Variants in CEP128 observed in about 807,000 individuals in gnomAD.
CEP128 encodes the protein centrosomal protein 128.
In CEP128, 132 loss-of-function variants were observed where a neutral mutation model predicts 156.7. The observed-to-expected ratio is 0.84, with a 90% CI of 0.73 to 0.97. CEP128 has a LOEUF of 0.97. CEP128 is among the 50% of genes least tolerant of loss of function. The probability of loss-of-function intolerance (pLI) is 0.00; values close to 1 mark genes in which losing one functional copy is unlikely to be tolerated. For synonymous variants in CEP128, 469 were observed against 448.9 expected (o/e 1.04, Z -0.57); for missense variants, 1,252 against 1,281.9 (o/e 0.98, Z 0.36).
At chr14:80,797,797 G>T (rs1024578468) in intron 13 of CEP128, among the ~76,000 whole-genome samples, 2 of 151,790 alleles carry the variant, frequency 1.3e-5, no homozygotes, top group East Asian at 1.9e-4. Flanking sequence ...ATGCTTTCAG[G>T]GTATTTATAG....
At chr14:80,931,419 A>G (rs1206052907) in intron 2 of CEP128, among the ~76,000 whole-genome samples, 3 of 152,224 alleles carry the variant, frequency 2.0e-5, no homozygotes, top group Non-Finnish European at 4.4e-5. Flanking sequence ...TATCAGCCAC[A>G]TTAAAGTACA....
At chr14:80,500,832 T>G (rs191966957) in intron 24 of CEP128, among the ~76,000 whole-genome samples, 11 of 152,378 alleles carry the variant, frequency 7.2e-5, no homozygotes, top group Admixed American at 3.3e-4. Context: ...TTTAGTTATA[T>G]GACTGTTTAC....
intron 19 of CEP128, among the ~76,000 whole-genome samples, chr14:80,646,187 G>T (rs1483292553): frequency 6.6e-6 from 1 of 152,082 alleles, no homozygotes; most frequent in African/African-American, 2.4e-5. Context: ...GAACCCTAAT[G>T]TAAACTATGA....
intron 14 of CEP128, among the ~76,000 whole-genome samples, chr14:80,787,161 T>C (rs1008469591): frequency 6.6e-6 from 1 of 152,182 alleles, no homozygotes; most frequent in Non-Finnish European, 1.5e-5. Flanking sequence ...AGCAAGGTAT[T>C]CAGCTTAAGG....
At chr14:80,619,367 G>GAC (rs34190837) in intron 19 of CEP128, among the ~76,000 whole-genome samples, 45,721 of 139,260 alleles carry the variant, frequency 0.33, 8,342 homozygotes, top group Non-Finnish European at 0.41. Context: ...AAGACACACA[G>GAC]ACACACACAC....
At chr14:80,763,891 C>T (rs1346238094) in intron 16 of CEP128, among the ~76,000 whole-genome samples, 3 of 152,120 alleles carry the variant, frequency 2.0e-5, no homozygotes, top group African/African-American at 7.2e-5. Flanking sequence ...GTACATAAGG[C>T]CTCCTGATGG....
chr14:80,670,037 G>C (rs1479039901), intron 19 of CEP128, among the ~76,000 whole-genome samples: 1 of 151,974 alleles, frequency 6.6e-6, no homozygotes, highest in Non-Finnish European at 1.5e-5. Context: ...GAGAGGAGGG[G>C]AGATGCCACA....
At chr14:80,639,013 C>A (rs955987600) in intron 19 of CEP128, among the ~76,000 whole-genome samples, 4 of 152,036 alleles carry the variant, frequency 2.6e-5, no homozygotes, top group Non-Finnish European at 5.9e-5. Flanking sequence ...AGCTCCCTGT[C>A]TAATATTTGC....
intron 13 of CEP128, among the ~76,000 whole-genome samples, chr14:80,826,733 A>G (rs1885502575): frequency 6.6e-6 from 1 of 152,216 alleles, no homozygotes; most frequent in Admixed American, 6.5e-5. Context: ...CACTTTCAAC[A>G]TTTAATCTAA....
At chr14:80,526,493 C>A (rs1406017364) in intron 23 of CEP128, among the ~76,000 whole-genome samples, 1 of 152,102 alleles carries the variant, frequency 6.6e-6, no homozygotes, top group Non-Finnish European at 1.5e-5. Flanking sequence ...AATATATTAT[C>A]TGACCTACTG....
intron 20 of CEP128, among the ~76,000 whole-genome samples, chr14:80,563,815 G>A (rs536552789): frequency 1.3e-5 from 2 of 152,168 alleles, no homozygotes; most frequent in African/African-American, 2.4e-5. Context: ...GATTACAGGC[G>A]TGAGTCACTG....
At chr14:80,883,300 T>C (rs1888640101) in intron 8 of CEP128, among the ~76,000 whole-genome samples, 1 of 151,828 alleles carries the variant, frequency 6.6e-6, no homozygotes, top group South Asian at 2.1e-4. Context: ...AGAAGTCAAA[T>C]TAATTATCTT....
intron 14 of CEP128, among the ~76,000 whole-genome samples, chr14:80,482,752 G>C (rs1887081869): frequency 6.6e-6 from 1 of 152,222 alleles, no homozygotes; most frequent in Non-Finnish European, 1.5e-5. Flanking sequence ...AGAAAGGGTT[G>C]TGAATTGCAA....
At chr14:80,525,773 AAGGG>A (rs1229067127) in intron 23 of CEP128, among the ~76,000 whole-genome samples, 1 of 152,196 alleles carries the variant, frequency 6.6e-6, no homozygotes, top group Non-Finnish European at 1.5e-5. Context: ...TTTTATTTGG[AAGGG>A]AGGAAGTATA....
At chr14:80,801,396 T>C (rs1420995284) in intron 13 of CEP128, among the ~76,000 whole-genome samples, 2 of 9,644 alleles carry the variant, frequency 2.1e-4, no homozygotes, top group Admixed American at 1.9e-3. Context: ...CCCTTACTAG[T>C]TTTTGACATA....
chr14:80,730,398 A>G (rs1898219711), intron 19 of CEP128, among the ~76,000 whole-genome samples: 1 of 152,182 alleles, frequency 6.6e-6, no homozygotes, highest in African/African-American at 2.4e-5. Context: ...GGGTCATTCT[A>G]TACTCAGAAT....
intron 2 of CEP128, among the ~76,000 whole-genome samples, chr14:80,930,383 T>C (rs1433764116): frequency 6.6e-6 from 1 of 152,160 alleles, no homozygotes; most frequent in Non-Finnish European, 1.5e-5. Flanking sequence ...TTTCCTGCAC[T>C]ATGCACTTGT....
chr14:80,763,255 T>G (rs1900059953), intron 16 of CEP128, among the ~76,000 whole-genome samples: 1 of 152,170 alleles, frequency 6.6e-6, no homozygotes, highest in Admixed American at 6.5e-5. Flanking sequence ...CTAGGTAGTA[T>G]TTGCATGGAG....
At chr14:80,743,367 T>C (rs1216964309) in intron 18 of CEP128, 100 bp from the exon 19 acceptor site, 4 of 1,034,452 alleles carry the variant, frequency 3.9e-6, no homozygotes, top group African/African-American at 3.2e-5. Context: ...TGAACAAATA[T>C]AGATAATTAC....
Sources: gnomAD v4.1 joint callset for allele counts (sites outside exome capture counted in the v4.1 genomes callset) on GRCh38, gnomAD v4.1.1 for gene constraint, MANE v1.5 for transcripts, NCBI Gene and HGNC (gene_info 2026-07-23, HGNC 2026-07-21) for gene names.